MAP3K4: variants seen among roughly 807,000 people sequenced by gnomAD.
The protein encoded by MAP3K4 is MAP three kinase 1.
MAP3K4 carries 67 observed loss-of-function variants against 185.6 expected under a neutral mutation model. The ratio of observed to expected loss-of-function variants is 0.36; its 90% CI spans 0.30 to 0.44. The LOEUF (loss-of-function observed/expected upper bound fraction) is 0.44, where lower values mean the gene tolerates loss of function less well. Among genes scored for constraint, MAP3K4 ranks in the 20% least tolerant of loss-of-function variants. MAP3K4 has a pLI of 1.00. For synonymous variants in MAP3K4, 702 were observed against 710.4 expected, an observed-to-expected ratio of 0.99 and a Z score of 0.19; for missense variants, 1,551 against 1,995.1, an observed-to-expected ratio of 0.78 and a Z score of 4.24.
chr6:161,107,831 C>T lies in MAP3K4; in HGVS notation c.4049-68C>T. 2.9e-6 allele frequency: 3 copies of T among 1,018,578 alleles called. No individual in the cohort carries two copies. Among genetic ancestry groups the T allele is most frequent in the South Asian group, 2.7e-5 (2 of 75,012 alleles). The allele number at this position is 1,018,578 out of a possible 1,614,324, so 63.1% of individuals were successfully genotyped here. On this transcript the variant is annotated intron_variant, in intron 20 of 26. Transcript: ENST00000392142. This position sits in a 1 kb window ranked among gnomAD's most constrained non-coding sequence, Gnocchi z 6.2. Reference sequence around the variant, plus strand: ...CCAAAATAATTGGACAGTATTATTACAAGTTTAAGGAATGTAAGACAGCCC... The same window carrying T: ...CCAAAATAATTGGACAGTATTATTATAAGTTTAAGGAATGTAAGACAGCCC...
Position 161,087,849 on chromosome 6 carries a change from C to T in MAP3K4, c.2718C>T (p.His906=), listed in dbSNP as rs151073966. Residue 906 remains histidine (H), a synonymous_variant, in exon 10 of 27, where the codon CAC becomes CAT. Transcript: ENST00000392142. This position sits in a 1 kb window ranked among gnomAD's most constrained non-coding sequence, Gnocchi z 4.9. The stretch of plus-strand genomic sequence containing the variant: ...ATGCCTATCTGCTTCTGACCAAGCA[C>T]GGTGATCGAGCCCGTGATTCAGAGG... The part of the protein sequence containing the change: ...LIDAYLLLTK[H]GDRARDSEDS... 2.5e-5 allele frequency: 40 copies of T among 1,613,988 alleles called. No homozygotes were observed. The highest frequency in any genetic ancestry group is 2.0e-4 in the African/African-American group (15 of 74,898).
Position 161,048,510 on chromosome 6 carries a change from A to T in MAP3K4, c.344-106A>T. 1.4e-6 allele frequency: 1 copy of T among 695,536 alleles called. No homozygotes were observed. The highest frequency in any genetic ancestry group is 2.3e-6 in the Non-Finnish European group (1 of 432,720). The allele number at this position is 695,536 out of a possible 1,614,324, so 43.1% of individuals were successfully genotyped here. A position where few individuals can be genotyped will look rare whatever the true frequency, so the allele number is the denominator to read the frequency against. ...GTATGCTTTTTTTTCTTCCATTAGC[A>T]GTCTGAAAATATAAATATGTGTGAA... On this transcript the variant is annotated intron_variant, in intron 2 of 26. Transcript: ENST00000392142. This position sits in a 1 kb window ranked among gnomAD's most constrained non-coding sequence, Gnocchi z 4.7.
At chr6:161,006,408 C>T (rs1412451066) in intron 1 of MAP3K4, among the ~76,000 whole-genome samples, 1 of 152,054 alleles carries the variant, frequency 6.6e-6, no homozygotes, top group Admixed American at 6.6e-5. Flanking sequence ...TGTTATTATT[C>T]CCTAAATAAT....
chr6:161,049,988 CCA>C lies in MAP3K4; in HGVS notation c.1707+10_1707+11del. The C allele has an allele frequency of 1.3e-6, 2 of 1,588,658 alleles. No homozygotes were observed. The highest frequency in any genetic ancestry group is 1.7e-6 in the Non-Finnish European group (2 of 1,169,308). On this transcript the variant is annotated intron_variant, in intron 3 of 26. Coordinates refer to ENST00000392142, the MANE Select transcript of MAP3K4 (RefSeq NM_005922.4). The surrounding 1 kb of genome is among the most constrained non-coding windows in gnomAD (Gnocchi z 8.4). ...ACGATCGTCCAGTGGAGGTAGGTTT[CCA>C]GTAGGTATTAATACAATGATATCCT...
At chr6:161,036,925 A>G (rs1370766827) in intron 2 of MAP3K4, among the ~76,000 whole-genome samples, 2 of 152,186 alleles carry the variant, frequency 1.3e-5, no homozygotes, top group East Asian at 3.8e-4. Flanking sequence ...AAAATCCAAA[A>G]CACTTCTGGT....
At position 161,115,473 on chromosome 6, in the gene MAP3K4, G is replaced by A. The variant is rs1472262102; in HGVS notation, c.4806+171G>A. On this transcript the variant is annotated intron_variant, in intron 26 of 26. Transcript: ENST00000392142. The surrounding 1 kb of genome is among the most constrained non-coding windows in gnomAD (Gnocchi z 6.0). ...GTATGTGTTTTTTCATTTGGAAAATGTTCATTGAGGTTCTTCCACTTGATC... is the reference window on the plus strand; with the variant it reads ...GTATGTGTTTTTTCATTTGGAAAATATTCATTGAGGTTCTTCCACTTGATC... Among the ~76,000 whole-genome samples the A allele has an allele frequency of 6.6e-6, 1 of 152,150 alleles. No individual in the cohort carries two copies. The highest frequency in any genetic ancestry group is 1.5e-5 in the Non-Finnish European group (1 of 68,028).
intron 17 of MAP3K4, among the ~76,000 whole-genome samples, chr6:161,099,968 C>T (rs1202259260): frequency 6.6e-6 from 1 of 152,258 alleles, no homozygotes; most frequent in South Asian, 2.1e-4. Flanking sequence ...CTTAGACAAT[C>T]GTTGATGTTT....
chr6:160,997,676 G>C (rs542011267), intron 1 of MAP3K4, among the ~76,000 whole-genome samples: 1 of 152,284 alleles, frequency 6.6e-6, no homozygotes, highest in African/African-American at 2.4e-5. Flanking sequence ...ACACATATTT[G>C]TCCACCGGCT....
rs1782185213 is a variant in MAP3K4, at chr6:161,017,801, C to CCTT, written c.153-16458_153-16457insCTT. Among the ~76,000 whole-genome samples, 2 of 152,276 alleles carry CCTT rather than the reference C, an allele frequency of 1.3e-5. No homozygotes were observed. The highest frequency in any genetic ancestry group is 4.1e-4 in the South Asian group (2 of 4,820). On this transcript the variant is annotated intron_variant, in intron 1 of 26. Transcript: ENST00000392142. This position sits in a 1 kb window ranked among gnomAD's most constrained non-coding sequence, Gnocchi z 5.1. ...ATAATACTTAGCTACATCATGTAAT[C>CCTT]AGTCACTTTGAAGGTTGAAGGTCAA...
rs1226687048 is a variant in MAP3K4 at position 161,034,271 on chromosome 6, A to G, written c.165A>G (p.Thr55=). 6 of 1,613,550 alleles carry G rather than the reference A, an allele frequency of 3.7e-6. No homozygotes were observed. Among genetic ancestry groups the G allele is most frequent in the Non-Finnish European group, 5.1e-6 (6 of 1,179,610 alleles). ...ECCLAARQEG[T]LGDSACKSPE... is the part of the protein sequence containing the mutation. Reference sequence around the variant, plus strand: ...CTGTCTTTCATAGGCAAGAGGGCACATTGGGAGATTCAGCTTGCAAGAGTC... The same window carrying G: ...CTGTCTTTCATAGGCAAGAGGGCACGTTGGGAGATTCAGCTTGCAAGAGTC... Residue 55 remains threonine (T), a synonymous_variant, in exon 2 of 27, where the codon ACA becomes ACG. Transcript: ENST00000392142. The surrounding 1 kb of genome is among the most constrained non-coding windows in gnomAD (Gnocchi z 4.4).
Position 160,991,841 on chromosome 6 carries a change from A to C in MAP3K4, c.-91A>C. The C allele has an allele frequency of 7.4e-7, 1 of 1,344,336 alleles. No homozygotes were observed. The highest frequency in any genetic ancestry group is 9.6e-7 in the Non-Finnish European group (1 of 1,043,910). The allele number at this position is 1,344,336 out of a possible 1,614,324, so 83.3% of individuals were successfully genotyped here. On this transcript the variant is annotated 5_prime_UTR_variant, in exon 1 of 27. Coordinates refer to ENST00000392142, the MANE Select transcript of MAP3K4 (RefSeq NM_005922.4). This position sits in a 1 kb window ranked among gnomAD's most constrained non-coding sequence, Gnocchi z 5.7. ...TGCGGCGGGGTAGAGGCGGAGGCGGAGTCGAGTCACTCCCGCACTTCGGGG... is the reference window on the plus strand; with the variant it reads ...TGCGGCGGGGTAGAGGCGGAGGCGGCGTCGAGTCACTCCCGCACTTCGGGG...
intron 2 of MAP3K4, among the ~76,000 whole-genome samples, chr6:161,045,843 A>T (rs878876279): frequency 6.6e-6 from 1 of 152,112 alleles, no homozygotes; most frequent in Non-Finnish European, 1.5e-5. Flanking sequence ...TTATTTCACA[A>T]TTTTTTGTTT....
rs751210627 is a variant in MAP3K4 at position 161,102,664 on chromosome 6, T to C, written c.3776-35T>C. 3.6e-6 allele frequency: 5 copies of C among 1,377,904 alleles called. No homozygotes were observed. In the South Asian group the frequency reaches 6.7e-5, roughly 18 times the overall value. The allele number at this position is 1,377,904 out of a possible 1,614,324, so 85.4% of individuals were successfully genotyped here. A position where few individuals can be genotyped will look rare whatever the true frequency, so the allele number is the denominator to read the frequency against. On this transcript the variant is annotated intron_variant, in intron 18 of 26. Coordinates refer to ENST00000392142, the MANE Select transcript of MAP3K4 (RefSeq NM_005922.4). ...TTCTCAAATAAGCATATTTATTTCA[T>C]AAATCTTAATTTGTATAAAAATAAC... is the stretch of plus-strand genomic sequence containing the variant.
In MAP3K4 at chr6:161,037,171, T is replaced by G. The variant is rs994110377; in HGVS notation, c.343+2722T>G. ...TAGACAAGTGGGCCATTTTAATGTC[T>G]TAGTCTTGGTTGTGGTGGTTAATAG... On this transcript the variant is annotated intron_variant, in intron 2 of 26. Transcript: ENST00000392142. The surrounding 1 kb of genome is among the most constrained non-coding windows in gnomAD (Gnocchi z 4.2). Among the ~76,000 whole-genome samples, 1 of 152,214 alleles carries G rather than the reference T, an allele frequency of 6.6e-6. No individual in the cohort carries two copies. The highest frequency in any genetic ancestry group is 2.4e-5 in the African/African-American group (1 of 41,452).
Position 161,084,557 on chromosome 6 carries a change from A to C in MAP3K4, c.2312A>C (p.Gln771Pro), listed in dbSNP as rs760960266. The change falls in exon 7 of 27, where the codon CAG becomes CCG. Residue 771 changes from glutamine (Q) to proline (P), a missense_variant. By Grantham distance (76) the Gln-to-Pro change is moderately conservative (BLOSUM62 -1). Around this residue, in one of 16 missense-constraint regions of MAP3K4, gnomAD observed 130 missense variants for 171.3 expected, o/e 0.76. Coordinates refer to ENST00000392142, the MANE Select transcript of MAP3K4 (RefSeq NM_005922.4). This position sits in a 1 kb window ranked among gnomAD's most constrained non-coding sequence, Gnocchi z 4.6. The stretch of plus-strand genomic sequence containing the variant: ...GGAAGTTTTTTAGAATTTGGCTTAC[A>C]GGAGAGCTGTGCTGAATTTTGGACT... ...STGSFLEFGL[Q>P]ESCAEFWTSA... 6.2e-7 allele frequency: 1 copy of C among 1,613,180 alleles called. No individual in the cohort carries two copies. The highest frequency in any genetic ancestry group is 1.1e-5 in the South Asian group (1 of 91,064).
chr6:161,005,346 C>T (rs1472078896), intron 1 of MAP3K4, among the ~76,000 whole-genome samples: 1 of 151,848 alleles, frequency 6.6e-6, no homozygotes, highest in Non-Finnish European at 1.5e-5. Flanking sequence ...CTCCACGTTG[C>T]CCAGACTGGT....
rs1583203185 is a variant in MAP3K4 at position 161,077,979 on chromosome 6, G to A, written c.2098-2902G>A. ...AAAGCACAAGCTTTGGGATTAGGAG[G>A]AACAGTAGTTCCTCTGCTATAAAGA... On this transcript the variant is annotated intron_variant, in intron 5 of 26. Transcript: ENST00000392142. This position sits in a 1 kb window ranked among gnomAD's most constrained non-coding sequence, Gnocchi z 4.3. Among the ~76,000 whole-genome samples the A allele has an allele frequency of 6.6e-6, 1 of 152,336 alleles. No individual in the cohort carries two copies. Among genetic ancestry groups the A allele is most frequent in the African/African-American group, 2.4e-5 (1 of 41,584 alleles).
intron 1 of MAP3K4, among the ~76,000 whole-genome samples, chr6:160,995,725 G>A (rs796794000): frequency 3.9e-5 from 6 of 152,314 alleles, no homozygotes; most frequent in African/African-American, 1.2e-4. Context: ...TTCTGGGGCA[G>A]TTTTAGGAGG....
rs1320775894 is a variant in MAP3K4 at position 161,071,948 on chromosome 6, A to T, written c.1950+1098A>T. ...AGCCTGGTAAAGCAAGGTGGAGTTTATCTTTTGTTGATGGGGCTATTGTGA... is the reference window on the plus strand; with the variant it reads ...AGCCTGGTAAAGCAAGGTGGAGTTTTTCTTTTGTTGATGGGGCTATTGTGA... On this transcript the variant is annotated intron_variant, in intron 4 of 26. Coordinates refer to ENST00000392142, the MANE Select transcript of MAP3K4 (RefSeq NM_005922.4). The surrounding 1 kb of genome is among the most constrained non-coding windows in gnomAD (Gnocchi z 4.6). Among the ~76,000 whole-genome samples, 1 of 152,216 alleles carries T rather than the reference A, an allele frequency of 6.6e-6. No homozygotes were observed. The highest frequency in any genetic ancestry group is 1.5e-5 in the Non-Finnish European group (1 of 68,030).
Sources: gnomAD v4.1 joint callset for allele counts (sites outside exome capture counted in the v4.1 genomes callset) on GRCh38, gnomAD v4.1.1 for gene constraint, gnomAD v4.1.1 regional missense constraint, Gnocchi (gnomAD v3.1) non-coding constraint, MANE v1.5 for transcripts, NCBI Gene and HGNC (gene_info 2026-07-23, HGNC 2026-07-21) for gene names.